CSMD3: variants seen among roughly 807,000 people sequenced by gnomAD.
CSMD3 encodes the protein CUB and sushi domain-containing protein 3.
CSMD3 carries 177 observed loss-of-function variants against 435.2 expected under a neutral mutation model. The ratio of observed to expected loss-of-function variants is 0.41; its 90% CI spans 0.36 to 0.46. CSMD3 has a LOEUF of 0.46. CSMD3 is among the 20% of genes least tolerant of loss of function. The probability of loss-of-function intolerance (pLI) is 0.34; values close to 1 mark genes in which losing one functional copy is unlikely to be tolerated. For synonymous variants in CSMD3, 1,656 were observed against 1,520.5 expected (o/e 1.09, Z -2.07); for missense variants, 4,265 against 4,504.6 (o/e 0.95, Z 1.52).
At chr8:113,192,845 T>C (rs141302480) in intron 3 of CSMD3, among the ~76,000 whole-genome samples, 1 of 151,386 alleles carries the variant, frequency 6.6e-6, no homozygotes, top group Admixed American at 6.6e-5. Flanking sequence ...TTTTGGACTT[T>C]AGCTTCTATG....
intron 13 of CSMD3, among the ~76,000 whole-genome samples, chr8:112,690,451 G>A (rs2076106921): frequency 1.3e-5 from 2 of 151,922 alleles, no homozygotes; most frequent in Non-Finnish European, 2.9e-5. Flanking sequence ...ACAGGATACG[G>A]TAAATCCCTG....
intron 61 of CSMD3, among the ~76,000 whole-genome samples, chr8:112,256,942 C>G (rs1815865096): frequency 6.6e-6 from 1 of 152,110 alleles, no homozygotes; most frequent in African/African-American, 2.4e-5. Flanking sequence ...ACTTGGCATG[C>G]CCGAGCCATC....
At chr8:113,216,934 G>A (rs1247175901) in intron 3 of CSMD3, among the ~76,000 whole-genome samples, 1 of 151,726 alleles carries the variant, frequency 6.6e-6, no homozygotes. Context: ...ATATGTGCAG[G>A]GAAAGCGTAC....
At chr8:112,320,079 AT>A in intron 45 of CSMD3, 98 bp from the exon 46 acceptor site, 1 of 754,588 alleles carries the variant, frequency 1.3e-6, no homozygotes, top group Non-Finnish European at 2.3e-6. Context: ...GTTTAAAAAA[AT>A]AAAAATAAAT....
intron 4 of CSMD3, among the ~76,000 whole-genome samples, chr8:113,111,872 G>T (rs1424732778): frequency 6.6e-6 from 1 of 151,908 alleles, no homozygotes; most frequent in African/African-American, 2.4e-5. Context: ...TATAGACAGG[G>T]TTTCACCATG....
intron 38 of CSMD3, among the ~76,000 whole-genome samples, chr8:112,369,322 A>G (rs73326680): frequency 0.11 from 16,039 of 152,178 alleles, 1,968 homozygotes; most frequent in African/African-American, 0.3. Context: ...AAAATTTACA[A>G]AAACCCAAAA....
At chr8:113,111,742 T>G (rs2090647399) in intron 4 of CSMD3, among the ~76,000 whole-genome samples, 1 of 151,992 alleles carries the variant, frequency 6.6e-6, no homozygotes, top group Non-Finnish European at 1.5e-5. Flanking sequence ...AGTACAGAGG[T>G]GTGATCTCAG....
intron 3 of CSMD3, among the ~76,000 whole-genome samples, chr8:113,205,112 T>C (rs999908634): frequency 1.3e-5 from 2 of 151,884 alleles, no homozygotes; most frequent in Non-Finnish European, 2.9e-5. Flanking sequence ...GCCTCCCAAG[T>C]AGCTAGGATT....
chr8:112,311,229 T>A (rs949523771), intron 49 of CSMD3, 63 bp from the exon 50 acceptor site: 1 of 1,342,036 alleles, frequency 7.5e-7, no homozygotes, highest in Non-Finnish European at 1.1e-6. Flanking sequence ...CCCAAAGTGA[T>A]AAACACCTAT....
intron 9 of CSMD3, among the ~76,000 whole-genome samples, chr8:112,929,728 A>G (rs964643713): frequency 2.6e-5 from 4 of 152,012 alleles, no homozygotes; most frequent in East Asian, 1.9e-4. Flanking sequence ...ATAAAAGGCA[A>G]TAAAATAAAG....
chr8:112,547,945 G>T (rs1336189226), intron 27 of CSMD3, among the ~76,000 whole-genome samples: 1 of 152,056 alleles, frequency 6.6e-6, no homozygotes, highest in African/African-American at 2.4e-5. Context: ...TGAATGAATG[G>T]GTAGGATGAA....
chr8:112,536,442 C>T (rs1346378463), intron 27 of CSMD3, among the ~76,000 whole-genome samples: 3 of 152,162 alleles, frequency 2.0e-5, no homozygotes, highest in African/African-American at 7.2e-5. Context: ...CACTGGCCAT[C>T]AGAGAAATGC....
intron 59 of CSMD3, among the ~76,000 whole-genome samples, chr8:112,267,687 G>C (rs986770753): frequency 2.0e-5 from 3 of 152,116 alleles, no homozygotes; most frequent in African/African-American, 7.2e-5. Flanking sequence ...CACATGAGCT[G>C]AGATGCGGCC....
chr8:112,591,985 G>C (rs1017143831), intron 22 of CSMD3, among the ~76,000 whole-genome samples: 6 of 151,972 alleles, frequency 3.9e-5, no homozygotes, highest in Non-Finnish European at 8.8e-5. Context: ...GTCATTGATT[G>C]TGAGATACAC....
At chr8:112,482,855 A>C (rs1819765179) in intron 31 of CSMD3, among the ~76,000 whole-genome samples, 1 of 152,162 alleles carries the variant, frequency 6.6e-6, no homozygotes, top group South Asian at 2.1e-4. Context: ...TTCAGAAACC[A>C]CCATTACTTT....
intron 60 of CSMD3, 120 bp downstream of exon 60, chr8:112,265,288 TAGA>T (rs1354832973): frequency 1.2e-5 from 6 of 519,772 alleles, no homozygotes; most frequent in Admixed American, 1.1e-4. Context: ...TTTTTAGTAC[TAGA>T]AAAATAAATG....
chr8:112,615,079 T>C (rs952094426), intron 22 of CSMD3, among the ~76,000 whole-genome samples: 12 of 152,150 alleles, frequency 7.9e-5, no homozygotes, highest in Admixed American at 7.9e-4. Flanking sequence ...AGTTTAAAGT[T>C]TGTACCTAGT....
At chr8:112,750,958 A>T (rs989697979) in intron 13 of CSMD3, among the ~76,000 whole-genome samples, 1 of 151,990 alleles carries the variant, frequency 6.6e-6, no homozygotes, top group African/African-American at 2.4e-5. Context: ...TTTCCAAGAC[A>T]TCTGTTCTGC....
intron 4 of CSMD3, among the ~76,000 whole-genome samples, chr8:113,173,296 A>G (rs1403613447): frequency 6.6e-6 from 1 of 152,072 alleles, no homozygotes; most frequent in Non-Finnish European, 1.5e-5. Flanking sequence ...CATGTAGTAT[A>G]TGAGACTATT....
Sources: allele counts gnomAD v4.1 joint callset (sites outside exome capture counted in the v4.1 genomes callset), GRCh38; gene constraint gnomAD v4.1.1; transcripts MANE v1.5; gene names NCBI Gene and HGNC (gene_info 2026-07-23, HGNC 2026-07-21).